TLN2: variants seen among roughly 807,000 people sequenced by gnomAD.
TLN2 encodes talin-2.
A neutral mutation model predicts 294.7 loss-of-function variants in TLN2; 118 were observed. The ratio of observed to expected loss-of-function variants is 0.40; its 90% CI spans 0.34 to 0.47. The LOEUF (loss-of-function observed/expected upper bound fraction) is 0.47, where lower values mean the gene tolerates loss of function less well. Among genes scored for constraint, TLN2 ranks in the 20% least tolerant of loss-of-function variants. The pLI, the probability that TLN2 is intolerant of heterozygous loss-of-function variation, is 0.84. For synonymous variants in TLN2, 1,431 were observed against 1,304.5 expected (o/e 1.10, Z -2.09); for missense variants, 3,083 against 3,282.2 (o/e 0.94, Z 1.48).
chr15:62,669,734 TCAAAA>T (rs2055170218), intron 9 of TLN2, among the ~76,000 whole-genome samples: 1 of 152,160 alleles, frequency 6.6e-6, no homozygotes, highest in Non-Finnish European at 1.5e-5. Context: ...GGTTTGGTAA[TCAAAA>T]CAACAACTGA....
In TLN2 at chr15:62,673,853, A is replaced by G. The variant is rs751142551; in HGVS notation, c.815A>G (p.Tyr272Cys). The G allele has an allele frequency of 2.5e-6, 4 of 1,613,532 alleles. No individual in the cohort carries two copies. Among genetic ancestry groups the G allele is most frequent in the South Asian group, 1.1e-5 (1 of 91,026 alleles). The change falls in exon 10 of 59, where the codon TAT becomes TGT. Residue 272 changes from tyrosine to cysteine, a missense_variant. Physicochemically the swap from Tyr to Cys is radical, Grantham distance 194 (BLOSUM62 -2). Coordinates refer to ENST00000636159, the MANE Select transcript of TLN2 (RefSeq NM_015059.3). ...LDLKEFLPKE[Y>C]IKQRGAEKRI... ...CTGAAGGAATTCCTGCCCAAAGAAT[A>G]TATCAAGCAGAGAGGAGCTGAAAAG...
In TLN2 at chr15:62,458,978, T is replaced by A. The variant is rs535082978; in HGVS notation, c.-238+68293T>A. 4.6e-5 allele frequency among the ~76,000 whole-genome samples: 7 copies of A among 152,128 alleles called. No homozygotes were observed. The South Asian group carries it at 1.5e-3, about 32-fold the overall frequency. On this transcript the variant is annotated intron_variant, in intron 1 of 58. Coordinates refer to ENST00000636159, the MANE Select transcript of TLN2 (RefSeq NM_015059.3). ...CTGCTGGTTTATATGGCACTAGCTC[T>A]ATGTGGAAAGCAGTAGACTCTATTT...
chr15:62,571,078 T>C (rs562428667), intron 1 of TLN2, among the ~76,000 whole-genome samples: 1 of 152,336 alleles, frequency 6.6e-6, no homozygotes, highest in East Asian at 1.9e-4. Flanking sequence ...ATCAACATGA[T>C]TGGCTGTTCA....
intron 28 of TLN2, among the ~76,000 whole-genome samples, chr15:62,736,035 G>T (rs1028615951): frequency 1.3e-5 from 2 of 152,162 alleles, no homozygotes; most frequent in Non-Finnish European, 2.9e-5. Flanking sequence ...GTAAAAGGCT[G>T]GGCGCAGTGG....
At chr15:62,415,709 G>A (rs578049464) in intron 1 of TLN2, among the ~76,000 whole-genome samples, 1 of 152,350 alleles carries the variant, frequency 6.6e-6, no homozygotes, top group South Asian at 2.1e-4. Flanking sequence ...TCCAAGGGTT[G>A]GGCCAGTGGG....
Position 62,424,952 on chromosome 15 carries a change from CTTTT to C in TLN2, c.-238+34282_-238+34285del, listed in dbSNP as rs529075856. 1.8e-3 allele frequency among the ~76,000 whole-genome samples: 230 copies of C among 129,234 alleles called. 2 individuals carry two copies. The highest frequency in any genetic ancestry group is 5.2e-3 in the African/African-American group (178 of 33,998). The allele number at this position is 129,234 out of a possible 152,430, so 84.8% of individuals were successfully genotyped here. A position where few individuals can be genotyped will look rare whatever the true frequency, so the allele number is the denominator to read the frequency against. On this transcript the variant is annotated intron_variant, in intron 1 of 58. Coordinates refer to ENST00000636159, the MANE Select transcript of TLN2 (RefSeq NM_015059.3). ...ACAGGCATGAGCCACCGTGCCTGGC[CTTTT>C]TTTTTTTTTTTTTTAAGAGATAGTC...
At chr15:62,422,226 A>AAC (rs1188663826) in intron 1 of TLN2, among the ~76,000 whole-genome samples, 7 of 150,558 alleles carry the variant, frequency 4.6e-5, no homozygotes, top group Non-Finnish European at 8.9e-5. Flanking sequence ...TCTCAAAAAA[A>AAC]AAAAAAAAAA....
intron 9 of TLN2, among the ~76,000 whole-genome samples, chr15:62,665,311 A>T (rs1358111144): frequency 1.3e-5 from 2 of 152,016 alleles, no homozygotes; most frequent in African/African-American, 4.8e-5. Context: ...CAGCCTCCCA[A>T]AGTGCTGGGA....
chr15:62,578,141 C>T (rs1312081536), intron 1 of TLN2, among the ~76,000 whole-genome samples: 1 of 152,032 alleles, frequency 6.6e-6, no homozygotes, highest in East Asian at 1.9e-4. Context: ...GTGAATAGTG[C>T]CACAATAAAC....
In TLN2 at chr15:62,702,103, A is replaced by G. The variant is rs1449424730; in HGVS notation, c.1808A>G (p.Asp603Gly). Reference protein sequence around the residue: ...GVKLLAALMDDEVGSGEDLLR... With the variant: ...GVKLLAALMDGEVGSGEDLLR... The stretch of plus-strand genomic sequence containing the variant: ...AAGCTATTGGCCGCCCTCATGGATG[A>G]TGAGGTGGGCAGCGGGGAGGACTTG... The change falls in exon 18 of 59, where the codon GAT becomes GGT. Residue 603 changes from aspartate to glycine, a missense_variant. Asp to Gly is a moderately conservative substitution (Grantham distance 94). Coordinates refer to ENST00000636159, the MANE Select transcript of TLN2 (RefSeq NM_015059.3). 6.2e-7 allele frequency: 1 copy of G among 1,614,164 alleles called. No homozygotes were observed. Among genetic ancestry groups the G allele is most frequent in the Non-Finnish European group, 8.5e-7 (1 of 1,180,040 alleles).
At chr15:62,440,566 CTG>C (rs1325137949) in intron 1 of TLN2, among the ~76,000 whole-genome samples, 1 of 152,182 alleles carries the variant, frequency 6.6e-6, no homozygotes, top group Non-Finnish European at 1.5e-5. Flanking sequence ...ACGGTGCTGA[CTG>C]TCCTCACTGT....
chr15:62,469,928 G>T (rs977785673), intron 1 of TLN2, among the ~76,000 whole-genome samples: 2 of 152,012 alleles, frequency 1.3e-5, no homozygotes, highest in Non-Finnish European at 2.9e-5. Context: ...TTGCGTGTGG[G>T]TGTGTGTTTG....
chr15:62,566,916 G>A (rs1228338422), intron 1 of TLN2, among the ~76,000 whole-genome samples: 1 of 151,430 alleles, frequency 6.6e-6, no homozygotes, highest in African/African-American at 2.4e-5. Flanking sequence ...ATTTCTTATA[G>A]AAAATATATA....
intron 43 of TLN2, among the ~76,000 whole-genome samples, chr15:62,778,924 C>CTTCAAA (rs935927966): frequency 4.6e-5 from 7 of 152,212 alleles, no homozygotes; most frequent in Non-Finnish European, 1.0e-4. Context: ...TTGCTGGGGA[C>CTTCAAA]TTCAAATTAA....
chr15:62,691,476 TTTA>T (rs1239725159), intron 12 of TLN2, among the ~76,000 whole-genome samples: 5 of 152,204 alleles, frequency 3.3e-5, no homozygotes, highest in African/African-American at 7.2e-5. Context: ...GTTTGAACTT[TTTA>T]TTCTTTAAAA....
chr15:62,582,244 A>ACACACACACACACACACACACACT (rs2045168601), intron 1 of TLN2, among the ~76,000 whole-genome samples: 1 of 102,726 alleles, frequency 9.7e-6, no homozygotes. Flanking sequence ...ACACACACAC[A>ACACACACACACACACACACACACT]CACATTCATG....
intron 1 of TLN2, among the ~76,000 whole-genome samples, chr15:62,506,989 G>C (rs1389595866): frequency 6.6e-6 from 1 of 152,230 alleles, no homozygotes; most frequent in Non-Finnish European, 1.5e-5. Context: ...ACTGGTGACA[G>C]ATGATAAATA....
intron 1 of TLN2, among the ~76,000 whole-genome samples, chr15:62,450,511 G>GTGTGTGTA (rs2036048604): frequency 6.9e-6 from 1 of 145,522 alleles, no homozygotes; most frequent in African/African-American, 2.6e-5. Flanking sequence ...GGCCCCCATC[G>GTGTGTGTA]TGTATGTATG....
At chr15:62,656,288 G>A (rs561750648) in intron 8 of TLN2, among the ~76,000 whole-genome samples, 22 of 152,314 alleles carry the variant, frequency 1.4e-4, no homozygotes, top group African/African-American at 5.3e-4. Flanking sequence ...ATCCGGAGTA[G>A]GGCCTCCCTA....
Sources: allele counts gnomAD v4.1 joint callset (sites outside exome capture counted in the v4.1 genomes callset), GRCh38; gene constraint gnomAD v4.1.1; transcripts MANE v1.5; gene names NCBI Gene and HGNC (gene_info 2026-07-23, HGNC 2026-07-21).